Variants in RCAN1 observed in about 807,000 individuals in gnomAD.
The protein encoded by RCAN1 is calcipressin-1.
In RCAN1, 11 loss-of-function variants were observed where a neutral mutation model predicts 22.9. The observed-to-expected ratio is 0.48, with a 90% CI of 0.30 to 0.79. The LOEUF (loss-of-function observed/expected upper bound fraction) is 0.79. RCAN1 is among the 30% of genes least tolerant of loss of function. The pLI, the probability that RCAN1 is intolerant of heterozygous loss-of-function variation, is 0.06. For missense variants in RCAN1, 291 were observed against 337.8 expected, an observed-to-expected ratio of 0.86 and a Z score of 1.09; for synonymous variants, 136 against 142.3, an observed-to-expected ratio of 0.96 and a Z score of 0.32.
At chr21:34,600,290 C>A (rs559099198) in intron 1 of RCAN1, among the ~76,000 whole-genome samples, 3 of 152,310 alleles carry the variant, frequency 2.0e-5, no homozygotes, top group Admixed American at 1.3e-4. Context: ...GAAACCAGGG[C>A]AGCATTCAGA....
intron 2 of RCAN1, chr21:34,522,892 G>A (rs1984689857): frequency 1.3e-5 from 2 of 152,228 alleles, no homozygotes; most frequent in Non-Finnish European, 2.9e-5. Context: ...CCTGTCCTAA[G>A]TTCCCCAGAG....
At chr21:34,562,373 C>T (rs1390118183) in intron 1 of RCAN1, among the ~76,000 whole-genome samples, 1 of 152,196 alleles carries the variant, frequency 6.6e-6, no homozygotes, top group African/African-American at 2.4e-5. Context: ...ATGTGCCAGG[C>T]ATTCCCAGGA....
In RCAN1 at chr21:34,556,097, T is replaced by TA. The variant is rs1192082438; in HGVS notation, c.253-32388dup. On this transcript the variant is annotated intron_variant, in intron 1 of 3. Coordinates refer to ENST00000313806, the MANE Select transcript of RCAN1 (RefSeq NM_004414.7). ...ATAAATAAATAAATAAATAAATAAA[T>TA]AATTAAAGGCCAAAAAAAAAAAAAA... 5.2e-4 allele frequency among the ~76,000 whole-genome samples: 27 copies of TA among 52,158 alleles called. No individual in the cohort carries two copies. In the South Asian group the frequency reaches 7.4e-3, roughly 14 times the overall value. 34.2% of individuals were successfully genotyped at this position (52,158 alleles called of 152,430 possible).
Position 34,525,309 on chromosome 21 carries a change from T to C in RCAN1, c.253-1599A>G. On this transcript the variant is annotated intron_variant, in intron 1 of 3. Transcript: ENST00000313806. The stretch of plus-strand genomic sequence containing the variant: ...AACCTACGACCTTGCTCTCCTTGCA[T>C]TCCCCGGCTTTTCTTCAGTTTAGGG... 3 of 1,535,520 alleles carry C rather than the reference T, an allele frequency of 2.0e-6. No individual in the cohort carries two copies. In the African/African-American group the frequency reaches 4.1e-5, roughly 21 times the overall value.
intron 1 of RCAN1, among the ~76,000 whole-genome samples, chr21:34,606,061 A>C (rs1988515696): frequency 6.6e-6 from 1 of 152,164 alleles, no homozygotes; most frequent in Non-Finnish European, 1.5e-5. Context: ...CCTCTATAGA[A>C]TGGGGATGAT....
At chr21:34,586,186 T>G (rs1987788280) in intron 1 of RCAN1, among the ~76,000 whole-genome samples, 1 of 152,176 alleles carries the variant, frequency 6.6e-6, no homozygotes, top group Admixed American at 6.5e-5. Context: ...ATAACAAACT[T>G]AACCCAACTG....
chr21:34,525,661 A>G, intron 1 of RCAN1: 1 of 289,318 alleles, frequency 3.5e-6, no homozygotes, highest in East Asian at 5.9e-5. Context: ...CTAGATTACT[A>G]TGATGCCTTT....
In RCAN1 at chr21:34,517,996, C is replaced by T. The variant is rs903666411; in HGVS notation, c.*88G>A. On this transcript the variant is annotated 3_prime_UTR_variant, in exon 4 of 4. Coordinates refer to ENST00000313806, the MANE Select transcript of RCAN1 (RefSeq NM_004414.7). ...TCTGCCACCCCGATCTCGGCTGCCA[C>T]CTCCGAAGAAGTCGTGACCAGCCAC... 1 of 1,520,202 alleles carries T rather than the reference C, an allele frequency of 6.6e-7. No homozygotes were observed. The highest frequency in any genetic ancestry group is 1.2e-5 in the South Asian group (1 of 81,770). 94.2% of individuals were successfully genotyped at this position (1,520,202 alleles called of 1,614,324 possible).
At position 34,523,541 on chromosome 21, in the gene RCAN1, G is replaced by T; in HGVS notation, c.422C>A (p.Ala141Asp). 2.5e-6 allele frequency: 4 copies of T among 1,613,848 alleles called. No individual in the cohort carries two copies. Among genetic ancestry groups the T allele is most frequent in the Non-Finnish European group, 3.4e-6 (4 of 1,179,910 alleles). Residue 141 changes from alanine (A) to aspartate (D), a missense_variant, in exon 2 of 4, where the codon GCT (alanine) becomes GAT (aspartate). Physicochemically the swap from Ala to Asp is moderately radical, Grantham distance 126. Transcript: ENST00000313806. ...FLGKEMKLYF[A>D]QTLHIGSSHL... ...ATAGCAATGAACCCAACTCACCTGAGCAAAATATAACTTCATTTCCTTTCC... is the reference window on the plus strand; with the variant it reads ...ATAGCAATGAACCCAACTCACCTGATCAAAATATAACTTCATTTCCTTTCC...
At chr21:34,567,953 A>C (rs912813080) in intron 1 of RCAN1, among the ~76,000 whole-genome samples, 1 of 152,198 alleles carries the variant, frequency 6.6e-6, no homozygotes, top group Non-Finnish European at 1.5e-5. Flanking sequence ...GGTCAATGTC[A>C]AAGTAAGGAC....
intron 1 of RCAN1, among the ~76,000 whole-genome samples, chr21:34,586,498 A>G (rs541041513): frequency 6.6e-6 from 1 of 152,346 alleles, no homozygotes; most frequent in Admixed American, 6.5e-5. Flanking sequence ...TTGGAAAATA[A>G]TAAGGATATG....
intron 1 of RCAN1, among the ~76,000 whole-genome samples, chr21:34,532,057 T>C (rs1321200368): frequency 6.6e-6 from 1 of 152,036 alleles, no homozygotes; most frequent in South Asian, 2.1e-4. Flanking sequence ...GAATACAGCA[T>C]GGCCAAGAAG....
intron 1 of RCAN1, among the ~76,000 whole-genome samples, chr21:34,562,241 G>A (rs1224443811): frequency 6.6e-6 from 1 of 152,148 alleles, no homozygotes. Flanking sequence ...ATGGAGCACC[G>A]ATTTACTCTG....
chr21:34,562,811 G>A (rs1986841655), intron 1 of RCAN1, among the ~76,000 whole-genome samples: 2 of 152,174 alleles, frequency 1.3e-5, no homozygotes, highest in Non-Finnish European at 2.9e-5. Context: ...AATGAGATAG[G>A]TGTAAAATGC....
At chr21:34,560,774 A>G (rs1419916298) in intron 1 of RCAN1, among the ~76,000 whole-genome samples, 1 of 152,210 alleles carries the variant, frequency 6.6e-6, no homozygotes. Flanking sequence ...AAGTACAGTA[A>G]GAGCCTGGGG....
At chr21:34,540,137 T>C (rs978374323) in intron 1 of RCAN1, among the ~76,000 whole-genome samples, 4 of 152,176 alleles carry the variant, frequency 2.6e-5, no homozygotes, top group African/African-American at 9.7e-5. Context: ...GACTGGAAGG[T>C]TACATAATAA....
intron 1 of RCAN1, among the ~76,000 whole-genome samples, chr21:34,560,554 C>G (rs948897708): frequency 2.6e-5 from 4 of 152,102 alleles, no homozygotes; most frequent in Non-Finnish European, 5.9e-5. Context: ...GAAAACTTTA[C>G]AAAAGAGGAT....
At chr21:34,553,571 T>G (rs1055228616) in intron 1 of RCAN1, among the ~76,000 whole-genome samples, 2 of 152,218 alleles carry the variant, frequency 1.3e-5, no homozygotes, top group East Asian at 1.9e-4. Context: ...ATGAAGCTTA[T>G]TCCACATAAA....
intron 1 of RCAN1, among the ~76,000 whole-genome samples, chr21:34,584,087 T>C (rs1211307411): frequency 6.6e-6 from 1 of 152,218 alleles, no homozygotes; most frequent in African/African-American, 2.4e-5. Flanking sequence ...TTCCTGAAGA[T>C]AGGACTGGCC....
Sources: allele counts gnomAD v4.1 joint callset (sites outside exome capture counted in the v4.1 genomes callset), GRCh38; gene constraint gnomAD v4.1.1; transcripts MANE v1.5; gene names NCBI Gene and HGNC (gene_info 2026-07-23, HGNC 2026-07-21).